CSMD1: variants seen among roughly 807,000 people sequenced by gnomAD.
The protein encoded by CSMD1 is CUB and sushi domain-containing protein 1.
A neutral mutation model predicts 417.5 loss-of-function variants in CSMD1; 213 were observed. The ratio of observed to expected loss-of-function variants is 0.51; its 90% CI spans 0.46 to 0.57. The LOEUF (loss-of-function observed/expected upper bound fraction) is 0.57, where lower values mean the gene tolerates loss of function less well. Ranked by LOEUF, CSMD1 falls within the 20% of genes least tolerant of loss-of-function variation. CSMD1 has a pLI of 0.00. For synonymous variants in CSMD1, 2,862 were observed against 1,736.8 expected (o/e 1.65, Z -16.11); for missense variants, 6,923 against 4,529.7 (o/e 1.53, Z -15.17).
intron 28 of CSMD1, among the ~76,000 whole-genome samples, chr8:3,220,836 A>G (rs1431283008): frequency 6.6e-6 from 1 of 152,112 alleles, no homozygotes; most frequent in Non-Finnish European, 1.5e-5. Context: ...CTCATCTCAA[A>G]AACCAATCAA....
intron 25 of CSMD1, among the ~76,000 whole-genome samples, chr8:3,292,407 G>A (rs1803646602): frequency 6.6e-6 from 1 of 152,100 alleles, no homozygotes; most frequent in Admixed American, 6.6e-5. Flanking sequence ...TCGTTGATCT[G>A]TCTAATGTTG....
intron 2 of CSMD1, among the ~76,000 whole-genome samples, chr8:4,507,322 T>C (rs1802579745): frequency 6.6e-6 from 1 of 152,172 alleles, no homozygotes; most frequent in South Asian, 2.1e-4. Flanking sequence ...AAAAGAATAA[T>C]TGTTCAATTA....
intron 26 of CSMD1, among the ~76,000 whole-genome samples, chr8:3,252,097 T>C (rs1800314092): frequency 6.6e-6 from 1 of 152,218 alleles, no homozygotes; most frequent in Non-Finnish European, 1.5e-5. Flanking sequence ...TCCAACACTA[T>C]GTTGAATAGT....
rs189952544 is a variant in CSMD1 at position 4,221,016 on chromosome 8, G to A, written c.416-188917C>T. 2.1e-3 allele frequency among the ~76,000 whole-genome samples: 317 copies of A among 152,284 alleles called. 4 individuals are homozygous for A. Among genetic ancestry groups the A allele is most frequent in the Non-Finnish European group, 3.5e-4 (24 of 68,040 alleles). On this transcript the variant is annotated intron_variant, in intron 3 of 69. Transcript: ENST00000635120. Reference sequence around the variant, plus strand: ...CCTCTGCCATGCCATGTGCCCGCAGGAGGAGGCCAGTGATTGTCCAGCTTT... The same window carrying A: ...CCTCTGCCATGCCATGTGCCCGCAGAAGGAGGCCAGTGATTGTCCAGCTTT...
chr8:4,459,385 T>C (rs1027341619), intron 2 of CSMD1, among the ~76,000 whole-genome samples: 4 of 152,158 alleles, frequency 2.6e-5, no homozygotes, highest in Middle Eastern at 3.2e-3. Context: ...GAAACAAGAA[T>C]GTCAGTCCAG....
chr8:3,736,961 T>C (rs959488239), intron 6 of CSMD1, among the ~76,000 whole-genome samples: 1 of 152,222 alleles, frequency 6.6e-6, no homozygotes, highest in East Asian at 1.9e-4. Context: ...CCCTCTCCCC[T>C]ACCTCCTGTC....
intron 5 of CSMD1, among the ~76,000 whole-genome samples, chr8:3,857,009 G>C (rs140001009): frequency 1.3e-5 from 2 of 152,028 alleles, no homozygotes; most frequent in African/African-American, 4.8e-5. Context: ...TTTTTGTAAT[G>C]GCATGGCAAT....
At chr8:4,077,193 G>A (rs796185761) in intron 3 of CSMD1, among the ~76,000 whole-genome samples, 1 of 150,656 alleles carries the variant, frequency 6.6e-6, no homozygotes, top group Non-Finnish European at 1.5e-5. Flanking sequence ...GTAGAGAGAA[G>A]TCTCTAAATC....
At chr8:4,719,999 C>T (rs896878555) in intron 1 of CSMD1, among the ~76,000 whole-genome samples, 21 of 152,132 alleles carry the variant, frequency 1.4e-4, no homozygotes, top group African/African-American at 4.8e-4. Context: ...CAGTCATTCT[C>T]ACCAAGTTTA....
At chr8:3,693,155 A>G (rs1395765153) in intron 7 of CSMD1, among the ~76,000 whole-genome samples, 1 of 152,176 alleles carries the variant, frequency 6.6e-6, no homozygotes, top group African/African-American at 2.4e-5. Flanking sequence ...GTGTCAAGTA[A>G]TTTGCTATAG....
At chr8:3,904,570 T>C (rs1361687279) in intron 5 of CSMD1, among the ~76,000 whole-genome samples, 1 of 152,080 alleles carries the variant, frequency 6.6e-6, no homozygotes, top group African/African-American at 2.4e-5. Flanking sequence ...CTTTGGAGAG[T>C]TGGGAATTAA....
intron 52 of CSMD1, among the ~76,000 whole-genome samples, chr8:3,016,993 G>C (rs913079130): frequency 2.0e-5 from 3 of 152,196 alleles, no homozygotes; most frequent in African/African-American, 4.8e-5. Context: ...TCATTTAACA[G>C]TTATGTAAAC....
At chr8:4,525,423 T>C (rs1796465747) in intron 2 of CSMD1, among the ~76,000 whole-genome samples, 1 of 152,202 alleles carries the variant, frequency 6.6e-6, no homozygotes, top group South Asian at 2.1e-4. Flanking sequence ...ACAATGGGAA[T>C]GCTCTACTTT....
At chr8:4,455,723 G>C (rs566182783) in intron 2 of CSMD1, among the ~76,000 whole-genome samples, 298 of 151,748 alleles carry the variant, frequency 2.0e-3, no homozygotes, top group Non-Finnish European at 2.3e-3. Context: ...CTGAGGTCAG[G>C]AGTTCAAGAC....
chr8:4,105,076 G>C (rs570539754), intron 3 of CSMD1, among the ~76,000 whole-genome samples: 5 of 151,984 alleles, frequency 3.3e-5, no homozygotes, highest in South Asian at 2.1e-4. Context: ...GAAATTTAAA[G>C]TAAAGACAGC....
At chr8:4,046,914 G>C (rs767869014) in intron 3 of CSMD1, among the ~76,000 whole-genome samples, 2 of 152,070 alleles carry the variant, frequency 1.3e-5, no homozygotes, top group African/African-American at 4.8e-5. Context: ...GGCAGAGAGA[G>C]GCTTATGGCC....
At chr8:3,757,744 G>A (rs1343358570) in intron 5 of CSMD1, among the ~76,000 whole-genome samples, 1 of 151,938 alleles carries the variant, frequency 6.6e-6, no homozygotes, top group South Asian at 2.1e-4. Context: ...AGATAATCGG[G>A]AGGCTGAGGC....
intron 37 of CSMD1, among the ~76,000 whole-genome samples, chr8:3,174,183 C>T (rs1484101128): frequency 6.6e-6 from 1 of 152,112 alleles, no homozygotes; most frequent in African/African-American, 2.4e-5. Context: ...ATATTATGTT[C>T]CCAAAATTAT....
At chr8:3,875,612 A>G (rs1805763466) in intron 5 of CSMD1, among the ~76,000 whole-genome samples, 1 of 152,150 alleles carries the variant, frequency 6.6e-6, no homozygotes, top group Non-Finnish European at 1.5e-5. Flanking sequence ...GAGGAAGAGG[A>G]GGAGGACCAG....
Sources: gnomAD v4.1 joint callset for allele counts (sites outside exome capture counted in the v4.1 genomes callset) on GRCh38, gnomAD v4.1.1 for gene constraint, MANE v1.5 for transcripts, NCBI Gene and HGNC (gene_info 2026-07-23, HGNC 2026-07-21) for gene names.